The following GALNT18 variants were observed in gnomAD, a reference collection of about 807,000 sequenced individuals.
The protein encoded by GALNT18 is polypeptide N-acetylgalactosaminyltransferase 18.
In GALNT18, 44 loss-of-function variants were observed where a neutral mutation model predicts 69.5. That is an observed-to-expected ratio of 0.63 (90% CI 0.50 to 0.81). The LOEUF (loss-of-function observed/expected upper bound fraction) is 0.81, where lower values mean the gene tolerates loss of function less well. Among genes scored for constraint, GALNT18 ranks in the 40% least tolerant of loss-of-function variants. The pLI is 0.00. For missense variants in GALNT18, 715 were observed against 810.0 expected, an observed-to-expected ratio of 0.88 and a Z score of 1.42; for synonymous variants, 364 against 318.2, an observed-to-expected ratio of 1.14 and a Z score of -1.53.
chr11:11,438,138 C>G (rs1855452895), intron 2 of GALNT18, among the ~76,000 whole-genome samples: 1 of 152,234 alleles, frequency 6.6e-6, no homozygotes, highest in African/African-American at 2.4e-5. Flanking sequence ...GCCTCTGTCT[C>G]CTACCTGTAT....
chr11:11,364,161 G>T (rs1402748356), intron 6 of GALNT18, among the ~76,000 whole-genome samples: 2 of 151,940 alleles, frequency 1.3e-5, no homozygotes, highest in Non-Finnish European at 2.9e-5. Flanking sequence ...TGTACTTCTG[G>T]GCAACCAAGG....
intron 1 of GALNT18, among the ~76,000 whole-genome samples, chr11:11,503,244 A>G (rs1328225736): frequency 6.6e-6 from 1 of 152,160 alleles, no homozygotes; most frequent in African/African-American, 2.4e-5. Context: ...TAATTCCCAG[A>G]GCCAGCTTTC....
rs1456722398 is a variant in GALNT18 at position 11,415,644 on chromosome 11, C to T, written c.595+16977G>A. 6.6e-6 allele frequency among the ~76,000 whole-genome samples: 1 copy of T among 152,104 alleles called. No homozygotes were observed. Among genetic ancestry groups the T allele is most frequent in the Non-Finnish European group, 1.5e-5 (1 of 68,028 alleles). ...TTGGTGACTCAGCTCCTATGGTTCT[C>T]AATCCCTTCATCTAAAGTGGGCATA... On this transcript the variant is annotated intron_variant, in intron 3 of 10. Transcript: ENST00000227756. This position sits in a 1 kb window ranked among gnomAD's most constrained non-coding sequence, Gnocchi z 4.1.
rs1390338140 is a variant in GALNT18 at position 11,616,533 on chromosome 11, A to G, written c.235+4826T>C. On this transcript the variant is annotated intron_variant, in intron 1 of 10. Transcript: ENST00000227756. This position sits in a 1 kb window ranked among gnomAD's most constrained non-coding sequence, Gnocchi z 4.4. ...ATTATAATAGCAAAACAAATGTCCA[A>G]TAATAGGAAAGTGGTTGAATCAATA... Among the ~76,000 whole-genome samples the G allele has an allele frequency of 6.6e-6, 1 of 152,250 alleles. No homozygotes were observed. The highest frequency in any genetic ancestry group is 1.5e-5 in the Non-Finnish European group (1 of 68,046).
chr11:11,499,526 T>C (rs151064297), intron 1 of GALNT18, among the ~76,000 whole-genome samples: 153 of 152,194 alleles, frequency 1.0e-3, no homozygotes, highest in African/African-American at 3.4e-3. Flanking sequence ...TGTATTGCCC[T>C]GTCTCACTTC....
intron 1 of GALNT18, among the ~76,000 whole-genome samples, chr11:11,561,964 G>A (rs573116409): frequency 6.6e-6 from 1 of 152,332 alleles, no homozygotes; most frequent in South Asian, 2.1e-4. Flanking sequence ...AGGGGTGAAG[G>A]GACCTGCCCA....
At position 11,519,014 on chromosome 11, in the gene GALNT18, G is replaced by A. The variant is rs76583341; in HGVS notation, c.236-70078C>T. ...ATGGAACCAAACCCAGATCTTCTCC[G>A]GCAATGGAGATGCCACACATAAAGA... On this transcript the variant is annotated intron_variant, in intron 1 of 10. Transcript: ENST00000227756. Among the ~76,000 whole-genome samples, 851 of 152,226 alleles carry A rather than the reference G, an allele frequency of 5.6e-3. 10 individuals are homozygous for A. The highest frequency in any genetic ancestry group is 0.02 in the African/African-American group (819 of 41,532).
intron 6 of GALNT18, among the ~76,000 whole-genome samples, chr11:11,359,972 A>T (rs928484475): frequency 1.2e-4 from 19 of 152,216 alleles, no homozygotes; most frequent in African/African-American, 4.6e-4. Context: ...TTAATAATAC[A>T]CACAAGTGAT....
At chr11:11,558,185 T>A (rs1011143033) in intron 1 of GALNT18, among the ~76,000 whole-genome samples, 4 of 152,210 alleles carry the variant, frequency 2.6e-5, no homozygotes, top group Non-Finnish European at 5.9e-5. Flanking sequence ...TACATTGTAA[T>A]GTTTTTGAAA....
intron 9 of GALNT18, among the ~76,000 whole-genome samples, chr11:11,300,365 T>C (rs12801925): frequency 0.21 from 32,407 of 152,080 alleles, 3,785 homozygotes; most frequent in African/African-American, 0.29. Context: ...GAGAGTTATA[T>C]TGGGACACTG....
intron 1 of GALNT18, among the ~76,000 whole-genome samples, chr11:11,537,422 G>C (rs2133950017): frequency 6.6e-6 from 1 of 152,264 alleles, no homozygotes; most frequent in East Asian, 1.9e-4. Context: ...TGGTCACCAG[G>C]ATACAGGCAA....
chr11:11,287,313 G>A (rs910849916), intron 10 of GALNT18, among the ~76,000 whole-genome samples: 1 of 152,192 alleles, frequency 6.6e-6, no homozygotes, highest in East Asian at 1.9e-4. Flanking sequence ...CCTAAAGCAA[G>A]AATCTCTTCA....
At chr11:11,491,768 A>G (rs1027871801) in intron 1 of GALNT18, among the ~76,000 whole-genome samples, 2 of 152,220 alleles carry the variant, frequency 1.3e-5, no homozygotes, top group African/African-American at 4.8e-5. Flanking sequence ...TGGATGGACC[A>G]GGCCAAGTTG....
At chr11:11,412,573 AACCCTGGTCTCTGCATG>A (rs1370997905) in intron 3 of GALNT18, among the ~76,000 whole-genome samples, 5 of 152,248 alleles carry the variant, frequency 3.3e-5, no homozygotes, top group Admixed American at 2.6e-4. Context: ...AACAAGGTCT[AACCCTGGTCTCTGCATG>A]ACCTGCAGAG....
At position 11,520,222 on chromosome 11, in the gene GALNT18, C is replaced by T. The variant is rs183993027; in HGVS notation, c.236-71286G>A. Reference sequence around the variant, plus strand: ...TTCCCCCATTTAATCCTCAAAAGAACACCATGAGGGAGGTCCAATTATTTT... The same window carrying T: ...TTCCCCCATTTAATCCTCAAAAGAATACCATGAGGGAGGTCCAATTATTTT... On this transcript the variant is annotated intron_variant, in intron 1 of 10. Transcript: ENST00000227756. 6.6e-5 allele frequency among the ~76,000 whole-genome samples: 10 copies of T among 152,370 alleles called. No homozygotes were observed. In the East Asian group the frequency reaches 1.9e-3, roughly 29 times the overall value.
chr11:11,526,968 A>G (rs763393132), intron 1 of GALNT18, among the ~76,000 whole-genome samples: 6 of 152,102 alleles, frequency 3.9e-5, no homozygotes, highest in Non-Finnish European at 5.9e-5. Context: ...GACTATGACA[A>G]TTATCATCTG....
chr11:11,571,939 A>G (rs1458146960), intron 1 of GALNT18, among the ~76,000 whole-genome samples: 1 of 152,164 alleles, frequency 6.6e-6, no homozygotes, highest in Non-Finnish European at 1.5e-5. Flanking sequence ...AGTGAGCTGT[A>G]TGCCCAGCAG....
intron 3 of GALNT18, among the ~76,000 whole-genome samples, chr11:11,395,938 G>A (rs1854315837): frequency 1.3e-5 from 2 of 152,152 alleles, no homozygotes; most frequent in Admixed American, 6.5e-5. Flanking sequence ...AGAACCAGTG[G>A]GCACAAGGAC....
chr11:11,312,535 G>A (rs192081651), intron 9 of GALNT18, among the ~76,000 whole-genome samples: 2 of 152,296 alleles, frequency 1.3e-5, no homozygotes, highest in Admixed American at 1.3e-4. Flanking sequence ...AGGAAGAGGA[G>A]GGGTTGTCTT....
Sources: gnomAD v4.1 joint callset for allele counts (sites outside exome capture counted in the v4.1 genomes callset) on GRCh38, gnomAD v4.1.1 for gene constraint, Gnocchi (gnomAD v3.1) non-coding constraint, MANE v1.5 for transcripts, NCBI Gene and HGNC (gene_info 2026-07-23, HGNC 2026-07-21) for gene names.